The following KLHDC4 variants were observed in gnomAD, a reference collection of about 807,000 sequenced individuals.
KLHDC4 encodes the protein kelch domain containing 4, also known as kelch domain-containing protein 4.
KLHDC4 carries 90 observed loss-of-function variants against 62.4 expected under a neutral mutation model. The ratio of observed to expected loss-of-function variants is 1.44; its 90% CI spans 1.22 to 1.72. The LOEUF (loss-of-function observed/expected upper bound fraction) is 1.72. Ranked by LOEUF, KLHDC4 falls within the 40% of genes most tolerant of loss-of-function variation. KLHDC4 has a pLI of 0.00. For synonymous variants in KLHDC4, 386 were observed against 284.4 expected (o/e 1.36, Z -3.59); for missense variants, 1,025 against 699.7 (o/e 1.47, Z -5.25).
At chr16:87,702,349 G>A (rs1201774724) in exon 1 of KLHDC4, 1 of 450,680 alleles carries the variant, frequency 2.2e-6, no homozygotes, top group Non-Finnish European at 4.5e-6. Flanking sequence ...GAAGATGGGT[G>A]TGAGGGTGCA....
chr16:87,757,819 G>T (rs1370803849), intron 2 of KLHDC4, among the ~76,000 whole-genome samples: 1 of 152,120 alleles, frequency 6.6e-6, no homozygotes, highest in Non-Finnish European at 1.5e-5. Flanking sequence ...TTGAACCCGG[G>T]AGGCAGAGGC....
chr16:87,715,988 CTT>C (rs2036888377), intron 7 of KLHDC4, among the ~76,000 whole-genome samples: 1 of 152,128 alleles, frequency 6.6e-6, no homozygotes. Context: ...TATTGACAGA[CTT>C]TGGGCACATT....
chr16:87,749,608 A>T (rs2043599094), intron 4 of KLHDC4, among the ~76,000 whole-genome samples: 1 of 151,168 alleles, frequency 6.6e-6, no homozygotes, highest in African/African-American at 2.4e-5. Flanking sequence ...TTTAGAGACC[A>T]CGTCTTGCTC....
chr16:87,731,200 A>G (rs1001913761), intron 5 of KLHDC4, among the ~76,000 whole-genome samples: 3 of 151,688 alleles, frequency 2.0e-5, no homozygotes, highest in African/African-American at 7.3e-5. Flanking sequence ...AGTAGCTGGA[A>G]TTACAAGCGT....
At chr16:87,716,161 A>T (rs4843260) in intron 7 of KLHDC4, among the ~76,000 whole-genome samples, 8,380 of 150,188 alleles carry the variant, frequency 0.056, 296 homozygotes, top group South Asian at 0.17. Flanking sequence ...GGTACGCGCT[A>T]TGTCTCGTGG....
intron 5 of KLHDC4, among the ~76,000 whole-genome samples, chr16:87,735,571 G>C (rs2041174523): frequency 6.6e-6 from 1 of 152,242 alleles, no homozygotes. Context: ...TTTTGTGGCA[G>C]TAGCCAAATA....
Position 87,765,979 on chromosome 16 carries a change from C to T in KLHDC4, c.-89G>A. The T allele has an allele frequency of 7.5e-7, 1 of 1,331,840 alleles. No individual in the cohort carries two copies. The highest frequency in any genetic ancestry group is 2.0e-5 in the Admixed American group (1 of 49,564). 82.5% of individuals were successfully genotyped at this position (1,331,840 alleles called of 1,614,324 possible). On this transcript the variant is annotated 5_prime_UTR_variant, in exon 1 of 12. Transcript: ENST00000270583. ...AAACAGGTGCTCGTGGGGCGGAGCT[C>T]GGCGCACAGAAATGGAGTCACTTCC...
downstream of KLHDC4, among the ~76,000 whole-genome samples, chr16:87,706,755 G>C (rs2034782331): frequency 6.6e-6 from 1 of 152,182 alleles, no homozygotes. Flanking sequence ...CTGTGCAAGA[G>C]CTGGCCGAGT....
intron 5 of KLHDC4, chr16:87,740,866 T>C (rs777261886): frequency 6.6e-6 from 1 of 151,864 alleles, no homozygotes; most frequent in Non-Finnish European, 1.5e-5. Flanking sequence ...GAAACAAAAA[T>C]AAGAAACAGT....
upstream of KLHDC4, chr16:87,702,670 G>A (rs1472836385): frequency 9.2e-6 from 2 of 217,424 alleles, no homozygotes; most frequent in South Asian, 7.5e-5. Flanking sequence ...CTGCTCAGGG[G>A]AGCCACGCGG....
chr16:87,706,183 G>A (rs1159700271), downstream of KLHDC4, among the ~76,000 whole-genome samples: 1 of 113,036 alleles, frequency 8.8e-6, no homozygotes, highest in Non-Finnish European at 1.9e-5. Flanking sequence ...GCAGCCCTCG[G>A]GGGGGGGTCA....
intron 6 of KLHDC4, among the ~76,000 whole-genome samples, chr16:87,728,687 G>C (rs190172911): frequency 6.6e-6 from 1 of 152,088 alleles, no homozygotes; most frequent in Non-Finnish European, 1.5e-5. Context: ...TAAATTTTAA[G>C]AATGAACATA....
exon 1 of KLHDC4, chr16:87,698,878 A>C (rs2034015909): frequency 6.6e-6 from 1 of 152,236 alleles, no homozygotes; most frequent in Non-Finnish European, 1.5e-5. Context: ...TGCTGCATGG[A>C]GAATTTGACG....
chr16:87,722,048 G>A (rs13339331), intron 7 of KLHDC4, among the ~76,000 whole-genome samples: 31,161 of 152,110 alleles, frequency 0.2, 3,808 homozygotes, highest in Middle Eastern at 0.33. Flanking sequence ...CCACGACACC[G>A]GAAGCACATA....
At chr16:87,700,269 G>A (rs1238840862) in exon 1 of KLHDC4, 1 of 154,888 alleles carries the variant, frequency 6.5e-6, no homozygotes, top group Non-Finnish European at 1.5e-5. Context: ...ACATCAAGGT[G>A]CCTATTAGAT....
exon 1 of KLHDC4, chr16:87,698,466 T>C (rs936595485): frequency 2.0e-5 from 3 of 152,250 alleles, no homozygotes; most frequent in African/African-American, 7.2e-5. Flanking sequence ...ACGGTACCTG[T>C]GAGCAGGAAA....
chr16:87,708,528 C>A (rs2035102928), intron 10 of KLHDC4, 62 bp from the exon 11 acceptor site: 9 of 1,304,444 alleles, frequency 6.9e-6, no homozygotes. Flanking sequence ...GGGGAGGCTG[C>A]GGGACGGTGG....
intron 1 of KLHDC4, chr16:87,765,288 A>T (rs543678309): frequency 2.2e-5 from 10 of 456,152 alleles, no homozygotes; most frequent in African/African-American, 1.8e-4. Flanking sequence ...TGCCTTCTTC[A>T]CTTAACCATC....
intron 7 of KLHDC4, 57 bp from the exon 8 acceptor site, chr16:87,714,630 A>AC (rs1176733411): frequency 5.7e-6 from 9 of 1,578,706 alleles, no homozygotes; most frequent in East Asian, 2.2e-5. Context: ...TTGCTTACAG[A>AC]CCCCCCAACC....
Sources: allele counts gnomAD v4.1 joint callset (sites outside exome capture counted in the v4.1 genomes callset), GRCh38; gene constraint gnomAD v4.1.1; transcripts MANE v1.5; gene names NCBI Gene and HGNC (gene_info 2026-07-23, HGNC 2026-07-21).